Variants in RFX8 observed in about 807,000 individuals in gnomAD.
RFX8 encodes the protein regulatory factor X8.
RFX8 carries 46 observed loss-of-function variants against 54.6 expected under a neutral mutation model. The ratio of observed to expected loss-of-function variants is 0.84; its 90% confidence interval spans 0.67 to 1.08. The LOEUF is 1.08. RFX8 is among the 50% of genes least tolerant of loss of function. The pLI is 0.00. For missense variants in RFX8, 536 were observed against 562.3 expected (o/e 0.95, Z 0.47); for synonymous variants, 192 against 209.5 (o/e 0.92, Z 0.72).
Position 101,412,919 on chromosome 2 carries a change from C to A in RFX8, c.714G>T (p.Met238Ile). 3 of 1,547,908 alleles carry A rather than the reference C, an allele frequency of 1.9e-6. No individual in the cohort carries two copies. The highest frequency in any genetic ancestry group is 2.6e-6 in the Non-Finnish European group (3 of 1,145,468). Residue 238 changes from methionine (M) to isoleucine (I), a missense_variant, in exon 8 of 12, where the codon ATG becomes ATT. By Grantham distance (10) the Met-to-Ile change is conservative. Coordinates refer to ENST00000428343, the MANE Select transcript of RFX8 (RefSeq NM_001145664.2). ...AAGCTGCAGAAGGAAGATTACATTT[C>A]ATCTCTGGGTTGTTCTCCAGTTCAT... is the stretch of plus-strand genomic sequence containing the variant. The part of the protein sequence containing the change: ...GADELENNPE[M>I]KCLRNLISLL...
At position 101,399,742 on chromosome 2, in the gene RFX8, A is replaced by G. The variant is rs186293320; in HGVS notation, c.1246-2018T>C. 9.3e-4 allele frequency among the ~76,000 whole-genome samples: 141 copies of G among 152,364 alleles called. 1 individual carries two copies. Among genetic ancestry groups the G allele is most frequent in the African/African-American group, 3.2e-3 (134 of 41,590 alleles). ...TGTAGAATTAGACATGAGTATCCCC[A>G]TAAGTTAAGCAATTTGTCCAGTGTT... is the stretch of plus-strand genomic sequence containing the variant. On this transcript the variant is annotated intron_variant, in intron 11 of 11. Coordinates refer to ENST00000428343, the MANE Select transcript of RFX8 (RefSeq NM_001145664.2).
intron 9 of RFX8, among the ~76,000 whole-genome samples, chr2:101,409,915 A>T (rs984956487): frequency 7.9e-5 from 12 of 152,118 alleles, no homozygotes; most frequent in Non-Finnish European, 1.6e-4. Context: ...CCCATGGAGG[A>T]TGATGAAAAT....
intron 11 of RFX8, among the ~76,000 whole-genome samples, chr2:101,400,751 T>C (rs187863797): frequency 2.0e-5 from 3 of 152,340 alleles, no homozygotes; most frequent in Admixed American, 2.0e-4. Context: ...TTGCTTTCAC[T>C]TGGAGCTGAA....
Position 101,460,889 on chromosome 2 carries a change from G to T in RFX8, c.72+5888C>A, listed in dbSNP as rs549917282. 2.6e-5 allele frequency among the ~76,000 whole-genome samples: 4 copies of T among 151,766 alleles called. 1 individual carries two copies. Among genetic ancestry groups the T allele is most frequent in the South Asian group, 4.2e-4 (2 of 4,800 alleles). On this transcript the variant is annotated intron_variant, in intron 2 of 11. Coordinates refer to ENST00000428343, the MANE Select transcript of RFX8 (RefSeq NM_001145664.2). ...GGGGGAGGCAAGACAAAAGAGCAGG[G>T]CAAGTTTGACACAATTAACACCTCG...
chr2:101,463,607 G>T (rs12614678), intron 2 of RFX8, among the ~76,000 whole-genome samples: 1 of 152,230 alleles, frequency 6.6e-6, no homozygotes, highest in Non-Finnish European at 1.5e-5. Flanking sequence ...CAGGCAGCAC[G>T]TGACCACTGA....
At chr2:101,414,632 A>T (rs1444762789) in intron 7 of RFX8, among the ~76,000 whole-genome samples, 1 of 151,794 alleles carries the variant, frequency 6.6e-6, no homozygotes, top group African/African-American at 2.4e-5. Flanking sequence ...GAGCCAGGAG[A>T]TTGGAGCCTT....
intron 2 of RFX8, among the ~76,000 whole-genome samples, chr2:101,465,212 A>G (rs1573488412): frequency 6.6e-6 from 1 of 152,192 alleles, no homozygotes; most frequent in East Asian, 1.9e-4. Flanking sequence ...ATAGAACTGC[A>G]GGTCAAAACT....
Position 101,445,391 on chromosome 2 carries a change from G to A in RFX8, c.72+21386C>T, listed in dbSNP as rs182627645. Among the ~76,000 whole-genome samples, 438 of 151,938 alleles carry A rather than the reference G, an allele frequency of 2.9e-3. 1 individual carries two copies. The highest frequency in any genetic ancestry group is 0.01 in the African/African-American group (422 of 41,450). ...TTGTATTGTCTTCAGGCCACATCTC[G>A]CGATTGTTCCTTTTTTTTTGAGACA... On this transcript the variant is annotated intron_variant, in intron 2 of 11. Transcript: ENST00000428343.
chr2:101,450,226 T>C (rs1263714168), intron 2 of RFX8, among the ~76,000 whole-genome samples: 3 of 152,204 alleles, frequency 2.0e-5, no homozygotes, highest in African/African-American at 4.8e-5. Flanking sequence ...TTTATTATTA[T>C]TATTACTATT....
At chr2:101,430,937 A>C (rs931393020) in intron 2 of RFX8, among the ~76,000 whole-genome samples, 3 of 152,172 alleles carry the variant, frequency 2.0e-5, no homozygotes, top group East Asian at 1.9e-4. Context: ...TATGGTCATC[A>C]CTCTTTAGAG....
chr2:101,398,124 C>T (rs1685226851), intron 11 of RFX8, among the ~76,000 whole-genome samples: 1 of 152,184 alleles, frequency 6.6e-6, no homozygotes. Flanking sequence ...TCCCAAAGTG[C>T]TGAGATTACA....
At chr2:101,460,822 G>C (rs994676148) in intron 2 of RFX8, among the ~76,000 whole-genome samples, 64 of 151,182 alleles carry the variant, frequency 4.2e-4, no homozygotes, top group South Asian at 8.4e-4. Flanking sequence ...CTGGCTCCAG[G>C]TTCTACCTCT....
At chr2:101,404,707 G>A (rs1408196387) in intron 10 of RFX8, among the ~76,000 whole-genome samples, 1 of 152,050 alleles carries the variant, frequency 6.6e-6, no homozygotes, top group Non-Finnish European at 1.5e-5. Context: ...GATTACAGGT[G>A]TGAGCCACCA....
At chr2:101,474,561 C>T in intron 1 of RFX8, 75 bp downstream of exon 1, 1 of 293,416 alleles carries the variant, frequency 3.4e-6, no homozygotes, top group Non-Finnish European at 6.3e-6. Flanking sequence ...AGCTGCCTCC[C>T]GCTCTCACCC....
At position 101,421,715 on chromosome 2, in the gene RFX8, G is replaced by A; in HGVS notation, c.237+9C>T. 6.5e-7 allele frequency: 1 copy of A among 1,550,270 alleles called. No homozygotes were observed. Among genetic ancestry groups the A allele is most frequent in the Non-Finnish European group, 8.7e-7 (1 of 1,146,216 alleles). On this transcript the variant is annotated intron_variant, in intron 4 of 11. Transcript: ENST00000428343. ...AAAACCCTACCCTCTCAAGTTCTCA[G>A]TTCCTCACATTTCGTAAAATGTCTC...
At chr2:101,440,773 G>A (rs1217702386) in intron 2 of RFX8, among the ~76,000 whole-genome samples, 1 of 152,144 alleles carries the variant, frequency 6.6e-6, no homozygotes, top group African/African-American at 2.4e-5. Context: ...GCGCAGTGGT[G>A]AGATTTGCTA....
chr2:101,424,420 G>A (rs1687055523), intron 2 of RFX8, among the ~76,000 whole-genome samples: 4 of 152,210 alleles, frequency 2.6e-5, no homozygotes, highest in Non-Finnish European at 5.9e-5. Context: ...ACTGTTGGTG[G>A]AGTGTAAACT....
chr2:101,451,285 C>T (rs780960600), intron 2 of RFX8, among the ~76,000 whole-genome samples: 29 of 152,256 alleles, frequency 1.9e-4, no homozygotes, highest in South Asian at 2.1e-4. Context: ...AATGTCTTCT[C>T]GCTGATTTCC....
At chr2:101,442,975 C>G (rs1688177304) in intron 2 of RFX8, among the ~76,000 whole-genome samples, 1 of 152,142 alleles carries the variant, frequency 6.6e-6, no homozygotes, top group Admixed American at 6.5e-5. Flanking sequence ...CCCTCAGTAT[C>G]TCTTGGTAGA....
Sources: allele counts gnomAD v4.1 joint callset (sites outside exome capture counted in the v4.1 genomes callset), GRCh38; gene constraint gnomAD v4.1.1; transcripts MANE v1.5; gene names NCBI Gene and HGNC (gene_info 2026-07-23, HGNC 2026-07-21).